The following LSAMP variants were observed in gnomAD, a reference collection of about 807,000 sequenced individuals.
LSAMP encodes limbic system-associated membrane protein.
In LSAMP, 7 loss-of-function variants were observed where a neutral mutation model predicts 38.6. That is an observed-to-expected ratio of 0.18 (90% CI 0.10 to 0.34). LSAMP has a LOEUF of 0.34. Ranked by LOEUF, LSAMP falls within the 10% of genes least tolerant of loss-of-function variation. The pLI is 1.00. For missense variants in LSAMP, 313 were observed against 420.0 expected (o/e 0.75, Z 2.23); for synonymous variants, 154 against 166.8 (o/e 0.92, Z 0.59).
In LSAMP at chr3:116,088,486, C is replaced by T. The variant is rs533803704; in HGVS notation, c.156-1930G>A. ...TTTCTCTGTTCTTGGTGATGTTTGC[C>T]GCATCTCTGAATTTAAAATCATTGA... On this transcript the variant is annotated intron_variant, in intron 1 of 6. Transcript: ENST00000490035. Among the ~76,000 whole-genome samples the T allele has an allele frequency of 1.6e-4, 24 of 151,820 alleles. No homozygotes were observed. The South Asian group carries it at 3.6e-3, about 23-fold the overall frequency.
At chr3:116,029,016 T>G (rs1940859084) in intron 2 of LSAMP, among the ~76,000 whole-genome samples, 1 of 152,084 alleles carries the variant, frequency 6.6e-6, no homozygotes, top group Non-Finnish European at 1.5e-5. Flanking sequence ...TTTCACCAAA[T>G]TTTTTAGAAA....
At chr3:116,375,615 A>G (rs2048484782) in intron 1 of LSAMP, among the ~76,000 whole-genome samples, 1 of 151,860 alleles carries the variant, frequency 6.6e-6, no homozygotes, top group Non-Finnish European at 1.5e-5. Context: ...TTTTTTAACA[A>G]AAGTATTTTT....
chr3:116,098,580 T>A (rs912599048), intron 1 of LSAMP, among the ~76,000 whole-genome samples: 6 of 152,230 alleles, frequency 3.9e-5, no homozygotes, highest in African/African-American at 1.4e-4. Flanking sequence ...AATTTTTTTA[T>A]GACTTCCATG....
At chr3:115,985,893 T>C (rs2107634587) in intron 3 of LSAMP, among the ~76,000 whole-genome samples, 1 of 152,308 alleles carries the variant, frequency 6.6e-6, no homozygotes, top group East Asian at 1.9e-4. Flanking sequence ...CCAGCTAAAC[T>C]GCTCCTGGCT....
At chr3:115,857,031 A>C (rs904313556) in intron 3 of LSAMP, among the ~76,000 whole-genome samples, 2 of 152,186 alleles carry the variant, frequency 1.3e-5, no homozygotes, top group Non-Finnish European at 2.9e-5. Flanking sequence ...GTTCTCTTTT[A>C]CTGGGGAAGA....
At chr3:116,167,038 G>A (rs949540689) in intron 1 of LSAMP, among the ~76,000 whole-genome samples, 16 of 152,120 alleles carry the variant, frequency 1.1e-4, no homozygotes, top group African/African-American at 2.2e-4. Flanking sequence ...TGATCCGCCC[G>A]CCTTGGCCTC....
chr3:116,246,228 T>C (rs1045197485), intron 1 of LSAMP, among the ~76,000 whole-genome samples: 1 of 152,344 alleles, frequency 6.6e-6, no homozygotes, highest in East Asian at 1.9e-4. Context: ...ACATTCTTAT[T>C]CTTCCATCAT....
At chr3:115,821,626 C>T (rs552793334) in intron 6 of LSAMP, among the ~76,000 whole-genome samples, 1 of 152,276 alleles carries the variant, frequency 6.6e-6, no homozygotes, top group East Asian at 1.9e-4. Flanking sequence ...TTGAAAATGA[C>T]ATAAGAATAA....
At chr3:115,890,348 A>G (rs1247227733) in intron 3 of LSAMP, among the ~76,000 whole-genome samples, 4 of 151,916 alleles carry the variant, frequency 2.6e-5, no homozygotes, top group Non-Finnish European at 5.9e-5. Flanking sequence ...GTCATATAAT[A>G]GTCATGTAAC....
intron 1 of LSAMP, among the ~76,000 whole-genome samples, chr3:116,214,594 C>A (rs995067296): frequency 6.6e-6 from 1 of 150,878 alleles, no homozygotes; most frequent in African/African-American, 2.4e-5. Flanking sequence ...ACCTCTGCCT[C>A]CTGGGTTCAA....
At chr3:115,827,176 T>G (rs1934444570) in intron 6 of LSAMP, among the ~76,000 whole-genome samples, 2 of 152,122 alleles carry the variant, frequency 1.3e-5, no homozygotes, top group South Asian at 4.1e-4. Context: ...AGCTTCCAAC[T>G]CATACAAAAC....
intron 2 of LSAMP, among the ~76,000 whole-genome samples, chr3:116,035,649 C>T (rs1941029946): frequency 1.3e-5 from 2 of 152,168 alleles, no homozygotes; most frequent in Admixed American, 1.3e-4. Context: ...ACTAGGCTTC[C>T]ACCCAGATAT....
chr3:116,374,730 T>C (rs554809351), intron 1 of LSAMP, among the ~76,000 whole-genome samples: 84 of 152,044 alleles, frequency 5.5e-4, no homozygotes, highest in Non-Finnish European at 9.3e-4. Flanking sequence ...ATTTCATTTA[T>C]TGATGTATTT....
At chr3:116,310,068 T>G (rs375532361) in intron 1 of LSAMP, among the ~76,000 whole-genome samples, 3 of 152,258 alleles carry the variant, frequency 2.0e-5, no homozygotes, top group South Asian at 4.2e-4. Context: ...CCAACACACA[T>G]TTCCCCTTTT....
intron 2 of LSAMP, among the ~76,000 whole-genome samples, chr3:116,081,463 A>C (rs565437832): frequency 5.3e-5 from 8 of 152,262 alleles, no homozygotes; most frequent in Middle Eastern, 3.4e-3. Context: ...AAAAAAAAAA[A>C]AGAGGTTGGG....
At chr3:116,047,810 C>T (rs545164559) in intron 2 of LSAMP, among the ~76,000 whole-genome samples, 11 of 152,212 alleles carry the variant, frequency 7.2e-5, no homozygotes, top group South Asian at 4.2e-4. Flanking sequence ...ATGGATGTTT[C>T]GAAGTATATG....
At chr3:116,083,916 C>A (rs118098336) in intron 2 of LSAMP, among the ~76,000 whole-genome samples, 9 of 152,228 alleles carry the variant, frequency 5.9e-5, no homozygotes, top group Non-Finnish European at 1.3e-4. Flanking sequence ...CTAATATGTA[C>A]GTAATTGTCC....
At chr3:116,202,722 G>A (rs1029999168) in intron 1 of LSAMP, among the ~76,000 whole-genome samples, 1 of 152,032 alleles carries the variant, frequency 6.6e-6, no homozygotes, top group African/African-American at 2.4e-5. Flanking sequence ...CCATACCCAA[G>A]CACCCTTTTT....
chr3:116,079,053 T>C (rs1227435125), intron 2 of LSAMP, among the ~76,000 whole-genome samples: 1 of 152,210 alleles, frequency 6.6e-6, no homozygotes, highest in African/African-American at 2.4e-5. Context: ...TAATCATTAA[T>C]AACTTCAATT....
Sources: allele counts gnomAD v4.1 joint callset (sites outside exome capture counted in the v4.1 genomes callset), GRCh38; gene constraint gnomAD v4.1.1; transcripts MANE v1.5; gene names NCBI Gene and HGNC (gene_info 2026-07-23, HGNC 2026-07-21).